Variants in SUGCT observed in about 807,000 individuals in gnomAD.
SUGCT encodes the protein succinyl-CoA:glutarate CoA-transferase.
Under a neutral mutation model 55.0 loss-of-function variants are expected in SUGCT, and 41 were observed. The observed-to-expected ratio is 0.74, with a 90% CI of 0.58 to 0.97. The LOEUF (loss-of-function observed/expected upper bound fraction) is 0.97, where lower values mean the gene tolerates loss of function less well. Among genes scored for constraint, SUGCT ranks in the 50% least tolerant of loss-of-function variants. SUGCT has a pLI of 0.00. For synonymous variants in SUGCT, 187 were observed against 200.4 expected (o/e 0.93, Z 0.56); for missense variants, 568 against 547.8 (o/e 1.04, Z -0.37).
chr7:40,187,810 G>C (rs938119227), intron 3 of SUGCT, among the ~76,000 whole-genome samples: 5 of 152,058 alleles, frequency 3.3e-5, no homozygotes, highest in Non-Finnish European at 5.9e-5. Flanking sequence ...GTGCACGCCT[G>C]TAATCTCAGT....
intron 13 of SUGCT, among the ~76,000 whole-genome samples, chr7:40,842,729 A>T (rs778743374): frequency 6.6e-6 from 1 of 152,212 alleles, no homozygotes; most frequent in Non-Finnish European, 1.5e-5. Context: ...TATAAAGTGG[A>T]TCTTTATACT....
At chr7:40,296,685 T>G (rs1794173004) in intron 8 of SUGCT, among the ~76,000 whole-genome samples, 1 of 150,960 alleles carries the variant, frequency 6.6e-6, no homozygotes, top group African/African-American at 2.4e-5. Context: ...TTGAATTAAC[T>G]TCTCTCTCCA....
At chr7:40,746,203 G>A (rs577453035) in intron 12 of SUGCT, among the ~76,000 whole-genome samples, 1 of 152,190 alleles carries the variant, frequency 6.6e-6, no homozygotes, top group African/African-American at 2.4e-5. Flanking sequence ...AGACTTCCTG[G>A]GTTCTGAAAT....
At chr7:40,162,139 G>T (rs796779428) in intron 1 of SUGCT, among the ~76,000 whole-genome samples, 3 of 152,022 alleles carry the variant, frequency 2.0e-5, no homozygotes, top group Non-Finnish European at 2.9e-5. Context: ...CTCGTGATCC[G>T]CCCGCCTCGG....
the SUGCT span, among the ~76,000 whole-genome samples, chr7:40,906,058 G>A: frequency 1.3e-5 from 2 of 151,774 alleles, no homozygotes; most frequent in Non-Finnish European, 2.9e-5. Flanking sequence ...ATAATTCAGC[G>A]GTATTAACTG....
intron 7 of SUGCT, among the ~76,000 whole-genome samples, chr7:40,259,453 T>C (rs2150958264): frequency 6.6e-6 from 1 of 152,344 alleles, no homozygotes; most frequent in South Asian, 2.1e-4. Context: ...ACAGTAGATT[T>C]TTTAAGCGTT....
chr7:40,264,322 G>A (rs1791418037), intron 7 of SUGCT, among the ~76,000 whole-genome samples: 1 of 152,230 alleles, frequency 6.6e-6, no homozygotes, highest in Non-Finnish European at 1.5e-5. Context: ...AGTGGAAGGA[G>A]TGGAGTTCAG....
At chr7:40,816,590 A>C (rs777517770) in intron 13 of SUGCT, among the ~76,000 whole-genome samples, 7 of 152,138 alleles carry the variant, frequency 4.6e-5, no homozygotes, top group Non-Finnish European at 7.4e-5. Context: ...TTTGTTCTTC[A>C]AGATTCCAGT....
the SUGCT span, among the ~76,000 whole-genome samples, chr7:41,034,315 C>T: frequency 3.3e-5 from 5 of 152,036 alleles, no homozygotes; most frequent in African/African-American, 7.2e-5. Context: ...TCTGTGTGGT[C>T]GAGAGAATTC....
At chr7:40,503,475 C>A (rs1008242648) in intron 12 of SUGCT, among the ~76,000 whole-genome samples, 4 of 151,766 alleles carry the variant, frequency 2.6e-5, no homozygotes, top group Non-Finnish European at 2.9e-5. Flanking sequence ...AATAATGGGG[C>A]TAGCAAAAAA....
intron 12 of SUGCT, among the ~76,000 whole-genome samples, chr7:40,685,778 C>T (rs1784438085): frequency 6.6e-6 from 1 of 152,050 alleles, no homozygotes; most frequent in Non-Finnish European, 1.5e-5. Context: ...TGGCGCATGC[C>T]TGTAATCTCA....
chr7:40,824,262 G>C (rs867080750), intron 13 of SUGCT, among the ~76,000 whole-genome samples: 4 of 151,894 alleles, frequency 2.6e-5, no homozygotes, highest in Middle Eastern at 3.4e-3. Flanking sequence ...GTCTATAGCA[G>C]TAAAGCTGAT....
chr7:40,896,828 T>C, the SUGCT span, among the ~76,000 whole-genome samples: 1 of 152,208 alleles, frequency 6.6e-6, no homozygotes. Flanking sequence ...AAAATTCCAA[T>C]GTCATTTTCC....
At chr7:40,217,793 A>T (rs1787758671) in intron 6 of SUGCT, among the ~76,000 whole-genome samples, 2 of 152,210 alleles carry the variant, frequency 1.3e-5, no homozygotes, top group African/African-American at 4.8e-5. Flanking sequence ...TTGTGGGCAG[A>T]AACATTTGGC....
At chr7:40,747,079 C>T (rs905539540) in intron 12 of SUGCT, among the ~76,000 whole-genome samples, 9 of 152,230 alleles carry the variant, frequency 5.9e-5, no homozygotes, top group African/African-American at 2.2e-4. Flanking sequence ...GTGCTGAGAA[C>T]GAGCCACACC....
chr7:40,586,045 T>G (rs926183182), intron 12 of SUGCT, among the ~76,000 whole-genome samples: 38 of 152,170 alleles, frequency 2.5e-4, no homozygotes, highest in African/African-American at 8.9e-4. Context: ...TAATCATTTC[T>G]TCTTTTAAAT....
chr7:40,150,670 CAACAA>C (rs140041088), intron 1 of SUGCT, among the ~76,000 whole-genome samples: 36 of 151,810 alleles, frequency 2.4e-4, no homozygotes, highest in Admixed American at 3.3e-4. Flanking sequence ...AAACTACACA[CAACAA>C]AACAAAACAA....
intron 6 of SUGCT, among the ~76,000 whole-genome samples, chr7:40,227,115 C>T (rs1285970474): frequency 1.6e-4 from 20 of 128,752 alleles, no homozygotes; most frequent in African/African-American, 4.6e-4. Flanking sequence ...GGCGCTGTAT[C>T]GGCTCACTGC....
intron 8 of SUGCT, among the ~76,000 whole-genome samples, chr7:40,302,120 C>T (rs994647490): frequency 1.3e-5 from 2 of 152,034 alleles, no homozygotes; most frequent in Non-Finnish European, 2.9e-5. Context: ...TTTCTGCTTC[C>T]TACCCACTAA....
Sources: allele counts gnomAD v4.1 joint callset (sites outside exome capture counted in the v4.1 genomes callset), GRCh38; gene constraint gnomAD v4.1.1; transcripts MANE v1.5; gene names NCBI Gene and HGNC (gene_info 2026-07-23, HGNC 2026-07-21).